Variants in INTS9 observed in about 807,000 individuals in gnomAD.
The protein encoded by INTS9 is protein related to CPSF subunits of 74 kDa.
In INTS9, 55 loss-of-function variants were observed where a neutral mutation model predicts 79.7. The ratio of observed to expected loss-of-function variants is 0.69; its 90% CI spans 0.56 to 0.86. The LOEUF (loss-of-function observed/expected upper bound fraction) is 0.86, where lower values mean the gene tolerates loss of function less well. INTS9 is among the 40% of genes least tolerant of loss of function. INTS9 has a pLI of 0.00. For missense variants in INTS9, 721 were observed against 831.5 expected (o/e 0.87, Z 1.64); for synonymous variants, 319 against 325.2 (o/e 0.98, Z 0.20).
chr8:28,795,998 A>C (rs535197516), intron 9 of INTS9, among the ~76,000 whole-genome samples: 2 of 152,272 alleles, frequency 1.3e-5, no homozygotes, highest in South Asian at 4.2e-4. Flanking sequence ...AAACCAACCA[A>C]ATATTAGTGG....
At chr8:28,793,774 A>C in intron 10 of INTS9, 33 bp downstream of exon 10, 1 of 1,451,416 alleles carries the variant, frequency 6.9e-7, no homozygotes, top group African/African-American at 1.5e-5. Flanking sequence ...ATCAAATAAA[A>C]TTCACAAAAA....
At chr8:28,825,065 G>A (rs1227158659) in intron 6 of INTS9, among the ~76,000 whole-genome samples, 1 of 152,176 alleles carries the variant, frequency 6.6e-6, no homozygotes, top group African/African-American at 2.4e-5. Context: ...GAGCAGCAAC[G>A]ATTCTGAACT....
intron 8 of INTS9, among the ~76,000 whole-genome samples, chr8:28,806,531 C>CA (rs1426303228): frequency 2.6e-5 from 4 of 152,126 alleles, no homozygotes; most frequent in African/African-American, 4.8e-5. Flanking sequence ...GCAAAAAACT[C>CA]AAATACATAT....
chr8:28,768,361 T>C, intron 16 of INTS9, 39 bp from the exon 17 acceptor site: 1 of 1,581,486 alleles, frequency 6.3e-7, no homozygotes, highest in Non-Finnish European at 8.6e-7. Context: ...CTGGGCAGAC[T>C]GCACATCTGT....
chr8:28,781,007 G>A lies in INTS9; in HGVS notation c.1099-13C>T, dbSNP rs201577112. ...TGGTCTGAATGAGCTGGAAAATATA[G>A]AAAAAATACAAAGAAATGTGAGCCT... On this transcript the variant is annotated splice_polypyrimidine_tract_variant and intron_variant, in intron 11 of 16. Transcript: ENST00000521022. 7.7e-5 allele frequency: 124 copies of A among 1,606,456 alleles called. No individual in the cohort carries two copies. The highest frequency in any genetic ancestry group is 6.9e-4 in the Middle Eastern group (4 of 5,792).
At chr8:28,768,891 T>C (rs1802363444) in intron 16 of INTS9, among the ~76,000 whole-genome samples, 1 of 152,214 alleles carries the variant, frequency 6.6e-6, no homozygotes, top group South Asian at 2.1e-4. Flanking sequence ...CTGTACTTCA[T>C]GGCTGCAGGC....
intron 14 of INTS9, among the ~76,000 whole-genome samples, chr8:28,773,854 G>A (rs1037897136): frequency 1.3e-5 from 2 of 152,028 alleles, no homozygotes; most frequent in South Asian, 2.1e-4. Flanking sequence ...ACAGAGTCTC[G>A]CTCTGTCATC....
intron 14 of INTS9, among the ~76,000 whole-genome samples, chr8:28,773,307 CA>C (rs1293900335): frequency 1.3e-5 from 2 of 151,258 alleles, no homozygotes; most frequent in East Asian, 2.0e-4. Flanking sequence ...ACTAAAAATA[CA>C]AAAAAATTAG....
At chr8:28,811,721 G>A (rs143881592) in intron 8 of INTS9, among the ~76,000 whole-genome samples, 226 of 152,152 alleles carry the variant, frequency 1.5e-3, no homozygotes, top group Non-Finnish European at 2.7e-3. Flanking sequence ...GCGCCCAGCC[G>A]ACATGGTTTA....
At chr8:28,793,535 G>A (rs889094309) in intron 10 of INTS9, among the ~76,000 whole-genome samples, 1 of 152,208 alleles carries the variant, frequency 6.6e-6, no homozygotes, top group African/African-American at 2.4e-5. Flanking sequence ...GGTGACATGT[G>A]ATAAGTATAT....
At chr8:28,866,011 A>G (rs1808726163) in intron 1 of INTS9, among the ~76,000 whole-genome samples, 2 of 151,814 alleles carry the variant, frequency 1.3e-5, no homozygotes, top group South Asian at 4.2e-4. Flanking sequence ...CATTTTGCTA[A>G]TTCTTTCTTT....
At chr8:28,796,736 A>C (rs1459088254) in intron 8 of INTS9, 81 bp from the exon 9 acceptor site, 2 of 875,362 alleles carry the variant, frequency 2.3e-6, no homozygotes, top group Non-Finnish European at 3.9e-6. Context: ...GAGAACACAG[A>C]CATTGCTCTT....
intron 16 of INTS9, chr8:28,769,652 C>T (rs955428014): frequency 5.9e-6 from 3 of 504,724 alleles, no homozygotes; most frequent in Non-Finnish European, 1.0e-5. Flanking sequence ...GCAGCTTTTT[C>T]TTCAGTCTGG....
chr8:28,855,923 A>G (rs1399393086), intron 2 of INTS9, among the ~76,000 whole-genome samples: 1 of 152,240 alleles, frequency 6.6e-6, no homozygotes, highest in Non-Finnish European at 1.5e-5. Context: ...GAAAAAAATT[A>G]TGTGTATACA....
intron 1 of INTS9, among the ~76,000 whole-genome samples, chr8:28,881,985 T>C (rs1270161599): frequency 0.015 from 2,101 of 143,068 alleles, 8 homozygotes; most frequent in African/African-American, 0.053. Flanking sequence ...TGGGCCATGA[T>C]GACAATGGCG....
intron 11 of INTS9, among the ~76,000 whole-genome samples, chr8:28,785,411 C>T (rs241190): frequency 0.72 from 108,833 of 152,144 alleles, 39,760 homozygotes; most frequent in Non-Finnish European, 0.8. Flanking sequence ...CCTATGTTAA[C>T]TATGAGTTTA....
intron 13 of INTS9, 152 bp from the exon 14 acceptor site, chr8:28,776,078 G>A (rs1004219213): frequency 9.3e-5 from 52 of 557,436 alleles, no homozygotes; most frequent in Non-Finnish European, 1.4e-4. Flanking sequence ...CCAATGAACC[G>A]TAGACAGGAG....
intron 8 of INTS9, among the ~76,000 whole-genome samples, chr8:28,808,804 G>C (rs1427336568): frequency 6.6e-6 from 1 of 152,118 alleles, no homozygotes; most frequent in African/African-American, 2.4e-5. Flanking sequence ...TACTGCCTCA[G>C]GCTTAATCCA....
intron 1 of INTS9, among the ~76,000 whole-genome samples, chr8:28,869,146 G>A (rs570020448): frequency 6.6e-6 from 1 of 152,064 alleles, no homozygotes; most frequent in Admixed American, 6.5e-5. Flanking sequence ...CAATGCACAA[G>A]CTGGAACTAA....
Sources: gnomAD v4.1 joint callset for allele counts (sites outside exome capture counted in the v4.1 genomes callset) on GRCh38, gnomAD v4.1.1 for gene constraint, MANE v1.5 for transcripts, NCBI Gene and HGNC (gene_info 2026-07-23, HGNC 2026-07-21) for gene names.